Variants in WWP1 observed in about 807,000 individuals in gnomAD.
WWP1 encodes WW domain containing E3 ubiquitin protein ligase 1, also known as NEDD4-like E3 ubiquitin-protein ligase WWP1.
In WWP1, 49 loss-of-function variants were observed where a neutral mutation model predicts 130.6. That is an observed-to-expected ratio of 0.38 (90% CI 0.30 to 0.48). The LOEUF (loss-of-function observed/expected upper bound fraction) is 0.48. Ranked by LOEUF, WWP1 falls within the 20% of genes least tolerant of loss-of-function variation. WWP1 has a pLI of 0.99. For synonymous variants in WWP1, 332 were observed against 367.8 expected (o/e 0.90, Z 1.11); for missense variants, 809 against 1,100.6 (o/e 0.74, Z 3.75).
At chr8:86,410,768 A>G (rs1324138068) in intron 8 of WWP1, among the ~76,000 whole-genome samples, 1 of 143,116 alleles carries the variant, frequency 7.0e-6, no homozygotes, top group Non-Finnish European at 1.5e-5. Context: ...TCTTTCTTAC[A>G]TCTTTAGGTA....
intron 8 of WWP1, among the ~76,000 whole-genome samples, chr8:86,408,767 G>T (rs1328933065): frequency 1.3e-5 from 2 of 152,056 alleles, no homozygotes; most frequent in Non-Finnish European, 2.9e-5. Flanking sequence ...AAATTTAGCC[G>T]GGTGTGGTGA....
At chr8:86,372,477 C>T (rs1490655257) in intron 2 of WWP1, among the ~76,000 whole-genome samples, 1 of 152,140 alleles carries the variant, frequency 6.6e-6, no homozygotes, top group African/African-American at 2.4e-5. Flanking sequence ...TTAGTATGCC[C>T]CTGTCTCTTA....
chr8:86,392,661 T>C (rs1807420328), intron 5 of WWP1, among the ~76,000 whole-genome samples: 1 of 152,238 alleles, frequency 6.6e-6, no homozygotes, highest in Non-Finnish European at 1.5e-5. Flanking sequence ...TTTGGTTTTA[T>C]TTTATAATTC....
At chr8:86,394,680 T>G (rs922371213) in intron 5 of WWP1, among the ~76,000 whole-genome samples, 1 of 152,150 alleles carries the variant, frequency 6.6e-6, no homozygotes, top group African/African-American at 2.4e-5. Flanking sequence ...GGAGTTGGTT[T>G]GTTTATACTG....
At chr8:86,465,690 G>C (rs1161205387) in intron 24 of WWP1, among the ~76,000 whole-genome samples, 1 of 152,188 alleles carries the variant, frequency 6.6e-6, no homozygotes, top group African/African-American at 2.4e-5. Flanking sequence ...AAGGCTATAT[G>C]TGAAAGATGT....
intron 21 of WWP1, among the ~76,000 whole-genome samples, chr8:86,457,098 T>C (rs923763729): frequency 2.0e-5 from 3 of 151,894 alleles, no homozygotes; most frequent in African/African-American, 7.2e-5. Context: ...CTTCGAACTA[T>C]ATACCTAAGT....
intron 24 of WWP1, among the ~76,000 whole-genome samples, chr8:86,462,232 A>G (rs1010907991): frequency 1.3e-5 from 2 of 152,192 alleles, no homozygotes; most frequent in African/African-American, 4.8e-5. Context: ...GAGAACAACT[A>G]ACGGGAACCT....
chr8:86,457,988 A>T lies in WWP1; in HGVS notation c.2462A>T (p.Tyr821Phe). The change falls in exon 22 of 25, where the codon TAT becomes TTT. Residue 821 changes from tyrosine (Y) to phenylalanine (F), a missense_variant. Tyr to Phe is a conservative substitution (Grantham distance 22). Transcript: ENST00000517970. ...DWQRNTVYRH[Y>F]TRNSKQIIWF... ...CAGAGAAATACTGTTTATCGACATT[A>T]TACAAGAAACAGCAAGCAAATCATT... The T allele has an allele frequency of 6.2e-7, 1 of 1,612,574 alleles. No homozygotes were observed. Among genetic ancestry groups the T allele is most frequent in the Non-Finnish European group, 8.5e-7 (1 of 1,178,806 alleles).
intron 1 of WWP1, among the ~76,000 whole-genome samples, chr8:86,366,980 T>G (rs566983403): frequency 2.4e-4 from 37 of 152,310 alleles, no homozygotes; most frequent in South Asian, 4.1e-4. Context: ...GTTGCTCTAT[T>G]GAGGGGGGAG....
In WWP1 at chr8:86,440,245, A is replaced by T. The variant is rs114793038; in HGVS notation, c.1838+1572A>T. Among the ~76,000 whole-genome samples, 1,256 of 152,230 alleles carry T rather than the reference A, an allele frequency of 8.3e-3. 23 individuals carry two copies. Among genetic ancestry groups the T allele is most frequent in the African/African-American group, 0.029 (1,199 of 41,530 alleles). ...ATTTGGGTCTAAGTTTTATATTTTG[A>T]TAGTTTTAATGAATATAGCTAGTTC... On this transcript the variant is annotated intron_variant, in intron 17 of 24. Transcript: ENST00000517970.
At chr8:86,453,599 T>C (rs574705111) in intron 21 of WWP1, among the ~76,000 whole-genome samples, 42 of 152,270 alleles carry the variant, frequency 2.8e-4, no homozygotes, top group African/African-American at 9.9e-4. Context: ...ATTTAATTTT[T>C]TGAGGAACTA....
intron 16 of WWP1, 115 bp from the exon 17 acceptor site, chr8:86,438,469 AT>A: frequency 1.4e-6 from 1 of 732,220 alleles, no homozygotes; most frequent in East Asian, 2.9e-5. Context: ...AGTTAAAAGC[AT>A]TGTATAAGAT....
chr8:86,343,990 A>T (rs1045616699), intron 1 of WWP1, among the ~76,000 whole-genome samples: 8 of 151,724 alleles, frequency 5.3e-5, no homozygotes, highest in African/African-American at 1.9e-4. Context: ...GTTCATGTTT[A>T]TGTGTAAATC....
rs1301774910 is a variant in WWP1 at position 86,342,572 on chromosome 8, T to C, written c.-473T>C. On this transcript the variant is annotated 5_prime_UTR_variant, in exon 1 of 25. Transcript: ENST00000517970. Reference sequence around the variant, plus strand: ...ATTCCGGGTCCGGAGTTGGAGGCTTTGGGCGGCCGCGGCGTAGCGCGCGGT... The same window carrying C: ...ATTCCGGGTCCGGAGTTGGAGGCTTCGGGCGGCCGCGGCGTAGCGCGCGGT... Among the ~76,000 whole-genome samples, 1 of 150,844 alleles carries C rather than the reference T, an allele frequency of 6.6e-6. No homozygotes were observed. Among genetic ancestry groups the C allele is most frequent in the African/African-American group, 2.4e-5 (1 of 41,184 alleles).
chr8:86,425,449 ATAAT>A, intron 10 of WWP1, 131 bp downstream of exon 10: 1 of 569,514 alleles, frequency 1.8e-6, no homozygotes, highest in Non-Finnish European at 2.8e-6. Context: ...CCTTATATAA[ATAAT>A]GAATGTTCAG....
chr8:86,381,388 A>G, intron 4 of WWP1, 117 bp from the exon 5 acceptor site: 1 of 1,259,816 alleles, frequency 7.9e-7, no homozygotes, highest in Non-Finnish European at 1.1e-6. Context: ...TCTCAAATAA[A>G]TGAAATTCAC....
chr8:86,421,701 A>G (rs1341116023), intron 9 of WWP1, among the ~76,000 whole-genome samples: 1 of 152,042 alleles, frequency 6.6e-6, no homozygotes, highest in African/African-American at 2.4e-5. Context: ...GCTGGCGCCT[A>G]TAGTCCCAGC....
intron 9 of WWP1, among the ~76,000 whole-genome samples, chr8:86,413,771 G>A (rs894250032): frequency 6.6e-6 from 1 of 152,196 alleles, no homozygotes; most frequent in Non-Finnish European, 1.5e-5. Context: ...GAAGAATTTT[G>A]TGTGATTTCG....
chr8:86,457,518 T>A (rs952334764), intron 21 of WWP1, among the ~76,000 whole-genome samples: 1 of 151,774 alleles, frequency 6.6e-6, no homozygotes, highest in Non-Finnish European at 1.5e-5. Flanking sequence ...CCATACCATA[T>A]ATACATAATG....
Sources: gnomAD v4.1 joint callset for allele counts (sites outside exome capture counted in the v4.1 genomes callset) on GRCh38, gnomAD v4.1.1 for gene constraint, MANE v1.5 for transcripts, NCBI Gene and HGNC (gene_info 2026-07-23, HGNC 2026-07-21) for gene names.